The following CSNK2A2IP variants were observed in gnomAD, a reference collection of about 807,000 sequenced individuals.
The protein encoded by CSNK2A2IP is casein kinase 2 subunit alpha' interacting protein, also known as casein kinase II subunit alpha'-interacting protein.
chr3:88,388,786 C>T, the CSNK2A2IP span, among the ~76,000 whole-genome samples: 7 of 152,206 alleles, frequency 4.6e-5, no homozygotes, highest in South Asian at 1.0e-3. Flanking sequence ...GAACATCTGT[C>T]GAATTAAGGC....
chr3:88,465,539 A>G, the CSNK2A2IP span: 5 of 1,231,616 alleles, frequency 4.1e-6, no homozygotes, highest in East Asian at 3.2e-5. Flanking sequence ...CTGGGCTCCA[A>G]TAAGAAGGTC....
At chr3:88,412,965 C>T in the CSNK2A2IP span, among the ~76,000 whole-genome samples, 6 of 151,990 alleles carry the variant, frequency 3.9e-5, no homozygotes, top group Non-Finnish European at 7.4e-5. Context: ...CAGCCACACA[C>T]ATGATATGGT....
At chr3:88,385,610 A>G in the CSNK2A2IP span, among the ~76,000 whole-genome samples, 1 of 152,218 alleles carries the variant, frequency 6.6e-6, no homozygotes, top group Non-Finnish European at 1.5e-5. Flanking sequence ...AGATACTACT[A>G]GAACATATTT....
the CSNK2A2IP span, among the ~76,000 whole-genome samples, chr3:88,449,789 A>G: frequency 5.1e-5 from 7 of 137,946 alleles, no homozygotes; most frequent in African/African-American, 1.9e-4. Flanking sequence ...AAAAAAAGGT[A>G]TATTTGGAAA....
chr3:88,343,221 G>T, the CSNK2A2IP span: 1 of 152,298 alleles, frequency 6.6e-6, no homozygotes, highest in Admixed American at 6.6e-5. Flanking sequence ...CAGATATTGT[G>T]TCCCTGTCTC....
the CSNK2A2IP span, among the ~76,000 whole-genome samples, chr3:88,436,587 G>A: frequency 6.6e-6 from 1 of 151,980 alleles, no homozygotes; most frequent in African/African-American, 2.4e-5. Context: ...AAAGTGTACA[G>A]ACTTTTAAAA....
chr3:88,415,866 C>T, the CSNK2A2IP span, among the ~76,000 whole-genome samples: 1 of 152,022 alleles, frequency 6.6e-6, no homozygotes, highest in South Asian at 2.1e-4. Flanking sequence ...GAGAGTATAA[C>T]ATTTCTCCAT....
the CSNK2A2IP span, among the ~76,000 whole-genome samples, chr3:88,367,564 C>G: frequency 6.6e-6 from 1 of 152,078 alleles, no homozygotes; most frequent in Non-Finnish European, 1.5e-5. Flanking sequence ...TACATATACA[C>G]TTCCTTAACA....
the CSNK2A2IP span, among the ~76,000 whole-genome samples, chr3:88,363,230 CTTTAA>C: frequency 6.6e-6 from 1 of 152,222 alleles, no homozygotes; most frequent in African/African-American, 2.4e-5. Context: ...TTTAGATGCT[CTTTAA>C]TTTTTCATAT....
the CSNK2A2IP span, among the ~76,000 whole-genome samples, chr3:88,428,002 T>G: frequency 2.0e-5 from 3 of 152,132 alleles, no homozygotes; most frequent in Non-Finnish European, 4.4e-5. Flanking sequence ...AGACACTCAC[T>G]GCCAGCCTGT....
At chr3:88,439,062 C>T in the CSNK2A2IP span, among the ~76,000 whole-genome samples, 6 of 152,162 alleles carry the variant, frequency 3.9e-5, no homozygotes, top group African/African-American at 1.4e-4. Context: ...TGCCTGTCCT[C>T]AAAGTCCTCT....
At chr3:88,457,419 G>T in the CSNK2A2IP span, among the ~76,000 whole-genome samples, 1 of 151,948 alleles carries the variant, frequency 6.6e-6, no homozygotes, top group Non-Finnish European at 1.5e-5. Context: ...AAATCGACTG[G>T]GTATGGTGGC....
chr3:88,344,184 T>C, the CSNK2A2IP span, among the ~76,000 whole-genome samples: 1 of 151,900 alleles, frequency 6.6e-6, no homozygotes, highest in South Asian at 2.1e-4. Flanking sequence ...TAACTATCTG[T>C]AGAGGCTCAC....
chr3:88,417,300 CA>C, the CSNK2A2IP span, among the ~76,000 whole-genome samples: 1 of 152,068 alleles, frequency 6.6e-6, no homozygotes. Context: ...AAGATTTGAG[CA>C]TGTGCTTTCC....
chr3:88,465,565 T>C, the CSNK2A2IP span: 1 of 1,231,726 alleles, frequency 8.1e-7, no homozygotes, highest in East Asian at 3.2e-5. Flanking sequence ...ATGCTCAGTA[T>C]TGCCTTCTCC....
chr3:88,409,210 G>A, the CSNK2A2IP span, among the ~76,000 whole-genome samples: 1 of 152,064 alleles, frequency 6.6e-6, no homozygotes, highest in African/African-American at 2.4e-5. Flanking sequence ...TAATATGCAT[G>A]AAGTGTCCTT....
chr3:88,409,657 T>G, the CSNK2A2IP span, among the ~76,000 whole-genome samples: 1 of 152,056 alleles, frequency 6.6e-6, no homozygotes, highest in Admixed American at 6.6e-5. Context: ...ATAGCACACA[T>G]GCACAGTACT....
the CSNK2A2IP span, among the ~76,000 whole-genome samples, chr3:88,437,616 A>C: frequency 6.6e-6 from 1 of 152,180 alleles, no homozygotes. Flanking sequence ...CTTTTTTTGC[A>C]AGTCATAATC....
the CSNK2A2IP span, among the ~76,000 whole-genome samples, chr3:88,367,489 G>C: frequency 6.6e-6 from 1 of 152,030 alleles, no homozygotes; most frequent in Non-Finnish European, 1.5e-5. Context: ...TTGTAATTAA[G>C]ATAAAAAAAG....
Sources: allele counts gnomAD v4.1 joint callset (sites outside exome capture counted in the v4.1 genomes callset), GRCh38; gene constraint gnomAD v4.1.1; transcripts MANE v1.5; gene names NCBI Gene and HGNC (gene_info 2026-07-23, HGNC 2026-07-21).